The following MALRD1 variants were observed in gnomAD, a reference collection of about 807,000 sequenced individuals.
The protein encoded by MALRD1 is MAM and LDL-receptor class A domain-containing protein 1.
A neutral mutation model predicts 242.1 loss-of-function variants in MALRD1; 247 were observed. The ratio of observed to expected loss-of-function variants is 1.02; its 90% confidence interval spans 0.92 to 1.13. MALRD1 has a LOEUF of 1.13. Ranked by LOEUF, MALRD1 falls within the 50% of genes most tolerant of loss-of-function variation. The pLI is 0.00. For synonymous variants in MALRD1, 995 were observed against 866.6 expected, an observed-to-expected ratio of 1.15 and a Z score of -2.60; for missense variants, 2,989 against 2,533.1, an observed-to-expected ratio of 1.18 and a Z score of -3.86.
At chr10:19,643,855 C>A (rs1840523461) in intron 36 of MALRD1, among the ~76,000 whole-genome samples, 1 of 152,168 alleles carries the variant, frequency 6.6e-6, no homozygotes, top group Non-Finnish European at 1.5e-5. Flanking sequence ...TATCCTCTGG[C>A]TTCTAACTGA....
At chr10:19,673,699 G>A (rs1329491638) in intron 36 of MALRD1, among the ~76,000 whole-genome samples, 2 of 152,094 alleles carry the variant, frequency 1.3e-5, no homozygotes, top group African/African-American at 2.4e-5. Flanking sequence ...CATGTGGTAA[G>A]AATTTTTCAG....
intron 31 of MALRD1, among the ~76,000 whole-genome samples, chr10:19,520,202 A>C (rs1393908872): frequency 6.6e-6 from 1 of 152,180 alleles, no homozygotes; most frequent in Non-Finnish European, 1.5e-5. Flanking sequence ...GTGTATCTAA[A>C]GCAAAAGCCT....
intron 29 of MALRD1, among the ~76,000 whole-genome samples, chr10:19,462,140 G>GA (rs534285135): frequency 1.4e-3 from 211 of 152,242 alleles, no homozygotes; most frequent in African/African-American, 4.5e-3. Flanking sequence ...TATTCACTAT[G>GA]TCTTATTTTC....
intron 28 of MALRD1, among the ~76,000 whole-genome samples, chr10:19,411,332 C>T (rs1833268835): frequency 6.6e-6 from 1 of 152,154 alleles, no homozygotes; most frequent in South Asian, 2.1e-4. Flanking sequence ...GCAGCAGCAG[C>T]AGCAGCTAGC....
At chr10:19,506,246 A>C (rs775763974) in intron 31 of MALRD1, among the ~76,000 whole-genome samples, 2 of 152,228 alleles carry the variant, frequency 1.3e-5, no homozygotes, top group Non-Finnish European at 2.9e-5. Context: ...ATGAGTTTAA[A>C]TGAATAACCA....
At chr10:19,214,280 A>G (rs1676237717) in intron 18 of MALRD1, among the ~76,000 whole-genome samples, 1 of 152,120 alleles carries the variant, frequency 6.6e-6, no homozygotes, top group South Asian at 2.1e-4. Flanking sequence ...TGGGCTGGAA[A>G]ACTTTCTCCA....
intron 18 of MALRD1, among the ~76,000 whole-genome samples, chr10:19,241,254 C>T (rs1838758296): frequency 6.6e-6 from 1 of 151,996 alleles, no homozygotes; most frequent in Non-Finnish European, 1.5e-5. Context: ...AATTTCCAAA[C>T]TCATTATTGA....
chr10:19,414,247 G>A (rs1700640045), intron 28 of MALRD1, among the ~76,000 whole-genome samples: 1 of 152,042 alleles, frequency 6.6e-6, no homozygotes, highest in Admixed American at 6.6e-5. Context: ...CTAGAGGGGG[G>A]ACAAGAAGTA....
Position 19,204,354 on chromosome 10 carries a change from T to C in MALRD1, c.2151T>C (p.Val717=). Residue 717 remains valine, a synonymous_variant, in exon 16 of 40, where the codon GTT becomes GTC. Coordinates refer to ENST00000454679, the MANE Select transcript of MALRD1 (RefSeq NM_001142308.3). ...ILKKSSSLWQ[V]AKLQSPTFSQ... is the part of the protein sequence containing the mutation. The stretch of plus-strand genomic sequence containing the variant: ...AGAAAAGCAGCAGCTTGTGGCAAGT[T>C]GCTAAGCTTCAGAGCCCAACTTTCA... The C allele has an allele frequency of 1.9e-6, 3 of 1,549,650 alleles. No homozygotes were observed. Among genetic ancestry groups the C allele is most frequent in the Non-Finnish European group, 2.6e-6 (3 of 1,146,702 alleles).
chr10:19,047,662 C>A (rs1437671536), upstream of MALRD1, among the ~76,000 whole-genome samples: 6 of 152,118 alleles, frequency 3.9e-5, no homozygotes, highest in Admixed American at 1.3e-4. Flanking sequence ...GGCTGAAGCA[C>A]AGTGCAACAA....
At chr10:19,382,287 T>G (rs538451062) in intron 26 of MALRD1, among the ~76,000 whole-genome samples, 1 of 152,148 alleles carries the variant, frequency 6.6e-6, no homozygotes, top group South Asian at 2.1e-4. Flanking sequence ...CTGATCTACT[T>G]GTAGTGTAGT....
intron 18 of MALRD1, among the ~76,000 whole-genome samples, chr10:19,228,641 C>T (rs913931290): frequency 3.9e-5 from 6 of 151,968 alleles, no homozygotes; most frequent in African/African-American, 1.4e-4. Context: ...TGCTGAGTGC[C>T]AACTTGAGAA....
chr10:19,680,074 A>G (rs916874465), intron 36 of MALRD1, among the ~76,000 whole-genome samples: 3 of 152,100 alleles, frequency 2.0e-5, no homozygotes, highest in Non-Finnish European at 4.4e-5. Flanking sequence ...GATCAATTTT[A>G]GAGTTAGTAC....
intron 4 of MALRD1, among the ~76,000 whole-genome samples, chr10:19,088,536 CT>C (rs748953378): frequency 0.057 from 6,273 of 110,072 alleles, 326 homozygotes; most frequent in African/African-American, 0.16. Context: ...CTCTTTCTTT[CT>C]TTTTTTTTTT....
chr10:19,505,510 G>A (rs1425691957), intron 31 of MALRD1, among the ~76,000 whole-genome samples: 1 of 152,162 alleles, frequency 6.6e-6, no homozygotes, highest in African/African-American at 2.4e-5. Flanking sequence ...GGAGAAATCA[G>A]ATCTCCTGGC....
chr10:19,216,700 C>A (rs1200910385), intron 18 of MALRD1, among the ~76,000 whole-genome samples: 1 of 151,022 alleles, frequency 6.6e-6, no homozygotes, highest in African/African-American at 2.4e-5. Context: ...AATCCCAGCA[C>A]TTTGGGAGGC....
At chr10:19,142,597 C>T (rs544034907) in intron 10 of MALRD1, among the ~76,000 whole-genome samples, 1 of 152,226 alleles carries the variant, frequency 6.6e-6, no homozygotes, top group Admixed American at 6.5e-5. Flanking sequence ...CTGTGAACAG[C>T]GCCATATCTC....
At chr10:19,327,718 T>G (rs1286891941) in intron 23 of MALRD1, 45 bp downstream of exon 23, 2 of 1,403,668 alleles carry the variant, frequency 1.4e-6, no homozygotes, top group Admixed American at 4.0e-5. Context: ...TCTGCTGATT[T>G]TTTTCATCCT....
rs1836703966 is a variant in MALRD1, at chr10:19,204,536, T to A, written c.2210+123T>A. ...ACTGCTGGTTTTACTCTAAAAATAG[T>A]ATTGCATTAAATTCATATGATTTTA... On this transcript the variant is annotated intron_variant, in intron 16 of 39. Transcript: ENST00000454679. 4.5e-6 allele frequency: 3 copies of A among 661,874 alleles called. No homozygotes were observed. The East Asian group carries it at 8.5e-5, about 19-fold the overall frequency. 41.0% of individuals were successfully genotyped at this position (661,874 alleles called of 1,614,324 possible).
Sources: gnomAD v4.1 joint callset for allele counts (sites outside exome capture counted in the v4.1 genomes callset) on GRCh38, gnomAD v4.1.1 for gene constraint, MANE v1.5 for transcripts, NCBI Gene and HGNC (gene_info 2026-07-23, HGNC 2026-07-21) for gene names.